Variants in ASAP1 observed in about 807,000 individuals in gnomAD.
The protein encoded by ASAP1 is arf-GAP with SH3 domain, ANK repeat and PH domain-containing protein 1.
In ASAP1, 43 loss-of-function variants were observed where a neutral mutation model predicts 145.2. The observed-to-expected ratio is 0.30, with a 90% CI of 0.23 to 0.38. The LOEUF (loss-of-function observed/expected upper bound fraction) is 0.38, where lower values mean the gene tolerates loss of function less well. Among genes scored for constraint, ASAP1 ranks in the 10% least tolerant of loss-of-function variants. ASAP1 has a pLI of 1.00. For missense variants in ASAP1, 1,018 were observed against 1,355.3 expected, an observed-to-expected ratio of 0.75 and a Z score of 3.91; for synonymous variants, 546 against 515.5, an observed-to-expected ratio of 1.06 and a Z score of -0.80.
In ASAP1 at chr8:130,367,962, C is replaced by A. The variant is rs1473551970; in HGVS notation, c.60-9819G>T. ...GCTCCACTTGAAACAGGAAAACTGC[C>A]CGCCCACTGCAGAGTTTTCTTCTTA... On this transcript the variant is annotated intron_variant, in intron 2 of 29. Transcript: ENST00000518721. Among the ~76,000 whole-genome samples, 7 of 152,106 alleles carry A rather than the reference C, an allele frequency of 4.6e-5. No individual in the cohort carries two copies. In the East Asian group the frequency reaches 1.3e-3, roughly 29 times the overall value.
chr8:130,253,296 A>C (rs1819315549), intron 3 of ASAP1, among the ~76,000 whole-genome samples: 1 of 152,202 alleles, frequency 6.6e-6, no homozygotes, highest in Non-Finnish European at 1.5e-5. Flanking sequence ...ATTTATAGTA[A>C]TTAATCTCAT....
chr8:130,381,795 CCCT>C (rs1205916601), intron 2 of ASAP1, among the ~76,000 whole-genome samples: 2 of 152,200 alleles, frequency 1.3e-5, no homozygotes, highest in African/African-American at 4.8e-5. Flanking sequence ...GAACACACCC[CCCT>C]GAGGGCCTTT....
intron 24 of ASAP1, among the ~76,000 whole-genome samples, chr8:130,093,853 A>G (rs1433282996): frequency 6.6e-6 from 1 of 151,930 alleles, no homozygotes; most frequent in African/African-American, 2.4e-5. Flanking sequence ...CCTATTTCCC[A>G]TTGTCAATTA....
chr8:130,167,703 T>A, intron 10 of ASAP1, 81 bp from the exon 11 acceptor site: 1 of 1,002,620 alleles, frequency 1.0e-6, no homozygotes, highest in South Asian at 1.4e-5. Context: ...ATACCACTCA[T>A]CAAAATTCTA....
In ASAP1 at chr8:130,060,621, A is replaced by G. The variant is rs2097417140; in HGVS notation, c.3150T>C (p.Thr1050=). Residue 1050 remains threonine (T), a synonymous_variant, in exon 28 of 30, where the codon ACT becomes ACC. Transcript: ENST00000518721. The stretch of plus-strand genomic sequence containing the variant: ...GCAGTGGTACGGGCGTCTCTGGCAG[A>G]GTAGGCGTGAGGTCGTTGGAGTCTT... ...ASEDSNDLTP[T]LPETPVPLPR... 1.2e-6 allele frequency: 2 copies of G among 1,613,932 alleles called. No individual in the cohort carries two copies. Among genetic ancestry groups the G allele is most frequent in the Admixed American group, 1.7e-5 (1 of 59,984 alleles).
intron 3 of ASAP1, among the ~76,000 whole-genome samples, chr8:130,290,980 C>T (rs1333533049): frequency 6.6e-6 from 1 of 152,154 alleles, no homozygotes; most frequent in African/African-American, 2.4e-5. Context: ...TCTTCTAAAA[C>T]CAAATAATGC....
intron 25 of ASAP1, among the ~76,000 whole-genome samples, chr8:130,087,954 G>T (rs1422166316): frequency 2.0e-5 from 3 of 152,108 alleles, no homozygotes; most frequent in Non-Finnish European, 4.4e-5. Context: ...GCTGGGATGG[G>T]TGAACATATT....
At chr8:130,133,581 G>A (rs936147747) in intron 15 of ASAP1, among the ~76,000 whole-genome samples, 3 of 151,912 alleles carry the variant, frequency 2.0e-5, no homozygotes, top group African/African-American at 2.4e-5. Flanking sequence ...GCGTGAACCC[G>A]GGAAGCGGAG....
intron 2 of ASAP1, among the ~76,000 whole-genome samples, chr8:130,370,930 T>C (rs1454894287): frequency 6.6e-6 from 1 of 152,162 alleles, no homozygotes; most frequent in African/African-American, 2.4e-5. Context: ...GGGTACAGGG[T>C]TTCTTGTGAG....
intron 3 of ASAP1, among the ~76,000 whole-genome samples, chr8:130,350,918 G>A (rs1382494588): frequency 6.6e-6 from 1 of 152,162 alleles, no homozygotes. Context: ...AATCAGGTTG[G>A]GTCAACAGTC....
intron 1 of ASAP1, among the ~76,000 whole-genome samples, chr8:130,405,904 T>C (rs903848631): frequency 5.9e-5 from 9 of 152,342 alleles, no homozygotes; most frequent in Admixed American, 3.9e-4. Context: ...AAAATTAAAA[T>C]CAATTATTAT....
chr8:130,319,845 A>G (rs1338071487), intron 3 of ASAP1, among the ~76,000 whole-genome samples: 2 of 152,246 alleles, frequency 1.3e-5, no homozygotes, highest in Non-Finnish European at 2.9e-5. Context: ...TTTTAATGAC[A>G]TGACAAAAAA....
intron 3 of ASAP1, among the ~76,000 whole-genome samples, chr8:130,243,542 C>T (rs1369173078): frequency 2.0e-5 from 3 of 152,106 alleles, no homozygotes; most frequent in Admixed American, 6.6e-5. Flanking sequence ...CCCTACGTGA[C>T]CCAGCCTTCT....
chr8:130,242,080 T>C (rs1054827387), intron 3 of ASAP1, among the ~76,000 whole-genome samples: 3 of 151,968 alleles, frequency 2.0e-5, no homozygotes, highest in African/African-American at 7.2e-5. Context: ...AGGAGTGCTC[T>C]GAGCATTCAA....
rs1377271727 is a variant in ASAP1, at chr8:130,107,173, T to TC, written c.2401+4920dup. ...TTATGAGGAAGAACTATAGTCTCTC[T>TC]CTTCTTCTTCTTTTTTTTTTTTTTT... On this transcript the variant is annotated intron_variant, in intron 24 of 29. Transcript: ENST00000518721. Among the ~76,000 whole-genome samples the TC allele has an allele frequency of 3.7e-5, 5 of 135,712 alleles. No individual in the cohort carries two copies. In the East Asian group the frequency reaches 1.1e-3, roughly 30 times the overall value. 89.0% of individuals were successfully genotyped at this position (135,712 alleles called of 152,430 possible). A position where few individuals can be genotyped will look rare whatever the true frequency, so the allele number is the denominator to read the frequency against.
At chr8:130,138,081 T>A (rs998463168) in intron 13 of ASAP1, among the ~76,000 whole-genome samples, 3 of 152,204 alleles carry the variant, frequency 2.0e-5, no homozygotes, top group Non-Finnish European at 4.4e-5. Flanking sequence ...AATTAAAATT[T>A]TCAGGGAAAA....
chr8:130,232,996 A>G (rs1445648564), intron 4 of ASAP1, among the ~76,000 whole-genome samples: 1 of 152,146 alleles, frequency 6.6e-6, no homozygotes, highest in East Asian at 1.9e-4. Flanking sequence ...ATGCAACACC[A>G]CTGTTTTACT....
At position 130,382,319 on chromosome 8, in the gene ASAP1, G is replaced by C. The variant is rs984920105; in HGVS notation, c.59+19566C>G. ...AAAAAAAAAAAAAAAAGAAATTAAA[G>C]ATATCACCTTGTTCATTAATATTAT... On this transcript the variant is annotated intron_variant, in intron 2 of 29. Coordinates refer to ENST00000518721, the MANE Select transcript of ASAP1 (RefSeq NM_018482.4). Among the ~76,000 whole-genome samples the C allele has an allele frequency of 1.4e-4, 20 of 140,642 alleles. No individual in the cohort carries two copies. The Admixed American group carries it at 1.4e-3, about 10-fold the overall frequency. 92.3% of individuals were successfully genotyped at this position (140,642 alleles called of 152,430 possible).
At chr8:130,371,594 T>A (rs1199516406) in intron 2 of ASAP1, among the ~76,000 whole-genome samples, 1 of 152,232 alleles carries the variant, frequency 6.6e-6, no homozygotes, top group Non-Finnish European at 1.5e-5. Context: ...TAAAAAGGGC[T>A]AACACAGCTG....
Sources: allele counts gnomAD v4.1 joint callset (sites outside exome capture counted in the v4.1 genomes callset), GRCh38; gene constraint gnomAD v4.1.1; transcripts MANE v1.5; gene names NCBI Gene and HGNC (gene_info 2026-07-23, HGNC 2026-07-21).